The following PTPRR variants were observed in gnomAD, a reference collection of about 807,000 sequenced individuals.
PTPRR encodes the protein receptor-type tyrosine-protein phosphatase R.
In PTPRR, 38 loss-of-function variants were observed where a neutral mutation model predicts 77.2. The observed-to-expected ratio is 0.49, with a 90% CI of 0.38 to 0.65. PTPRR has a LOEUF of 0.65. Among genes scored for constraint, PTPRR ranks in the 30% least tolerant of loss-of-function variants. The pLI is 0.00. For synonymous variants in PTPRR, 299 were observed against 283.1 expected (o/e 1.06, Z -0.57); for missense variants, 744 against 799.2 (o/e 0.93, Z 0.83).
intron 1 of PTPRR, among the ~76,000 whole-genome samples, chr12:70,905,980 G>T (rs913017818): frequency 6.6e-6 from 1 of 151,944 alleles, no homozygotes; most frequent in Non-Finnish European, 1.5e-5. Context: ...TTATGCATGA[G>T]AAATGATTAG....
chr12:70,673,203 T>G lies in PTPRR; in HGVS notation c.1498-10598A>C, dbSNP rs1887312189. Among the ~76,000 whole-genome samples the G allele has an allele frequency of 2.0e-5, 3 of 152,168 alleles. No homozygotes were observed. The South Asian group carries it at 6.2e-4, about 32-fold the overall frequency. On this transcript the variant is annotated intron_variant, in intron 10 of 13. Coordinates refer to ENST00000283228, the MANE Select transcript of PTPRR (RefSeq NM_002849.4). Reference sequence around the variant, plus strand: ...ATCCCTATTGGATTTCTTTAAAATATGTCACATATTACACACCCTCTAGGA... The same window carrying G: ...ATCCCTATTGGATTTCTTTAAAATAGGTCACATATTACACACCCTCTAGGA...
At chr12:70,741,858 A>G (rs1890057866) in intron 6 of PTPRR, among the ~76,000 whole-genome samples, 1 of 152,176 alleles carries the variant, frequency 6.6e-6, no homozygotes, top group Non-Finnish European at 1.5e-5. Context: ...TGGTAGAGCC[A>G]TGAGAAATGG....
intron 8 of PTPRR, among the ~76,000 whole-genome samples, chr12:70,696,674 T>G (rs886848684): frequency 6.6e-6 from 1 of 152,168 alleles, no homozygotes; most frequent in Non-Finnish European, 1.5e-5. Flanking sequence ...CATTTTTTTT[T>G]AAATTTTCAC....
Position 70,707,702 on chromosome 12 carries a change from G to A in PTPRR, c.1008-6379C>T, listed in dbSNP as rs1033280806. 3.9e-5 allele frequency among the ~76,000 whole-genome samples: 6 copies of A among 151,998 alleles called. No individual in the cohort carries two copies. The South Asian group carries it at 8.3e-4, about 21-fold the overall frequency. ...AGTTTGGAGAAGTCAGTGGGCACTCGCAGTGTGGAAGAGGCATGAAGACAG... is the reference window on the plus strand; with the variant it reads ...AGTTTGGAGAAGTCAGTGGGCACTCACAGTGTGGAAGAGGCATGAAGACAG... On this transcript the variant is annotated intron_variant, in intron 6 of 13. Coordinates refer to ENST00000283228, the MANE Select transcript of PTPRR (RefSeq NM_002849.4).
At chr12:70,693,832 T>C (rs943096404) in intron 8 of PTPRR, among the ~76,000 whole-genome samples, 1 of 152,190 alleles carries the variant, frequency 6.6e-6, no homozygotes, top group Non-Finnish European at 1.5e-5. Context: ...TCTCTATACA[T>C]AGATGGTACC....
At chr12:70,673,064 A>C in intron 10 of PTPRR, 2 of 1,180,484 alleles carry the variant, frequency 1.7e-6, no homozygotes, top group Non-Finnish European at 2.2e-6. Flanking sequence ...GAAAGAAAGA[A>C]ATATATATTT....
At chr12:70,821,630 G>A (rs532779594) in intron 2 of PTPRR, among the ~76,000 whole-genome samples, 57 of 151,834 alleles carry the variant, frequency 3.8e-4, no homozygotes, top group African/African-American at 7.0e-4. Context: ...GAGGGAGAGC[G>A]TGGGGAGAAA....
rs35762101 is a variant in PTPRR, at chr12:70,867,471, A to C, written c.357+25208T>G. On this transcript the variant is annotated intron_variant, in intron 2 of 13. Coordinates refer to ENST00000283228, the MANE Select transcript of PTPRR (RefSeq NM_002849.4). The stretch of plus-strand genomic sequence containing the variant: ...AGAGAATAAAATACCTAGGAATCCA[A>C]CTTACAAGGGATGTGAAGGACCTCT... 1.1e-3 allele frequency among the ~76,000 whole-genome samples: 165 copies of C among 152,032 alleles called. 2 individuals carry two copies. The Middle Eastern group carries it at 0.014, about 13-fold the overall frequency.
intron 5 of PTPRR, among the ~76,000 whole-genome samples, chr12:70,749,154 AAAC>A (rs773618710): frequency 5.9e-5 from 9 of 152,068 alleles, no homozygotes; most frequent in African/African-American, 1.9e-4. Context: ...ATAAGACTAA[AAAC>A]AACAACAACA....
chr12:70,888,741 G>C (rs536326295), intron 2 of PTPRR, among the ~76,000 whole-genome samples: 1 of 151,842 alleles, frequency 6.6e-6, no homozygotes, highest in Non-Finnish European at 1.5e-5. Flanking sequence ...CTTTGAGTTT[G>C]CCCACCAAGA....
intron 6 of PTPRR, among the ~76,000 whole-genome samples, chr12:70,728,923 A>G (rs1222072469): frequency 6.6e-6 from 1 of 152,078 alleles, no homozygotes; most frequent in East Asian, 1.9e-4. Context: ...CCAAAAATGA[A>G]ACTGATTTTA....
intron 11 of PTPRR, among the ~76,000 whole-genome samples, chr12:70,661,464 A>T (rs1194836165): frequency 6.6e-6 from 1 of 152,216 alleles, no homozygotes; most frequent in Non-Finnish European, 1.5e-5. Flanking sequence ...CTCTATGAGC[A>T]TTCCTGACAA....
intron 6 of PTPRR, among the ~76,000 whole-genome samples, chr12:70,735,657 G>A (rs965282391): frequency 6.6e-6 from 1 of 152,176 alleles, no homozygotes; most frequent in South Asian, 2.1e-4. Context: ...GTAGTTACGT[G>A]CAGATTTTGT....
chr12:70,893,539 A>G (rs556917628), intron 1 of PTPRR, among the ~76,000 whole-genome samples: 96 of 152,056 alleles, frequency 6.3e-4, no homozygotes, highest in African/African-American at 2.2e-3. Flanking sequence ...TACTTGTGTA[A>G]GTAATATGGC....
rs563324215 is a variant in PTPRR, at chr12:70,843,296, G to A, written c.357+49383C>T. The stretch of plus-strand genomic sequence containing the variant: ...TGGTTCCTCTTATCCCAGAAATGTC[G>A]ATTGCAAATTAAACAGGCTACAAAA... On this transcript the variant is annotated intron_variant, in intron 2 of 13. Transcript: ENST00000283228. Among the ~76,000 whole-genome samples the A allele has an allele frequency of 2.6e-5, 4 of 152,230 alleles. No individual in the cohort carries two copies. The South Asian group carries it at 6.2e-4, about 24-fold the overall frequency.
intron 1 of PTPRR, among the ~76,000 whole-genome samples, chr12:70,903,000 T>A (rs1893564266): frequency 6.6e-6 from 1 of 151,476 alleles, no homozygotes; most frequent in Admixed American, 6.6e-5. Flanking sequence ...TTATGCTGAG[T>A]GAAATAAGGT....
chr12:70,795,415 A>C lies in PTPRR; in HGVS notation c.358-30637T>G, dbSNP rs1030046177. ...TTTGATGATTTTCCAGAAAGCCACA[A>C]ATGAAAATTTCATAGTAACTCTAAA... On this transcript the variant is annotated intron_variant, in intron 2 of 13. Transcript: ENST00000283228. Among the ~76,000 whole-genome samples the C allele has an allele frequency of 3.9e-5, 6 of 152,334 alleles. No individual in the cohort carries two copies. In the East Asian group the frequency reaches 1.2e-3, roughly 29 times the overall value.
At chr12:70,663,134 A>G (rs1222912275) in intron 10 of PTPRR, among the ~76,000 whole-genome samples, 2 of 152,266 alleles carry the variant, frequency 1.3e-5, no homozygotes, top group Non-Finnish European at 2.9e-5. Flanking sequence ...TATAATGATC[A>G]TTAATACAAC....
intron 2 of PTPRR, among the ~76,000 whole-genome samples, chr12:70,770,330 C>A (rs940161673): frequency 6.6e-6 from 1 of 151,912 alleles, no homozygotes; most frequent in Non-Finnish European, 1.5e-5. Context: ...ACAAACAACC[C>A]CATCAAAAAG....
Sources: gnomAD v4.1 joint callset for allele counts (sites outside exome capture counted in the v4.1 genomes callset) on GRCh38, gnomAD v4.1.1 for gene constraint, MANE v1.5 for transcripts, NCBI Gene and HGNC (gene_info 2026-07-23, HGNC 2026-07-21) for gene names.